The following FMN2 variants were observed in gnomAD, a reference collection of about 807,000 sequenced individuals.
FMN2 encodes the protein formin-2.
In FMN2, 51 loss-of-function variants were observed where a neutral mutation model predicts 142.3. The ratio of observed to expected loss-of-function variants is 0.36; its 90% CI spans 0.29 to 0.45. The LOEUF (loss-of-function observed/expected upper bound fraction) is 0.45. FMN2 is among the 20% of genes least tolerant of loss of function. The pLI is 1.00. For synonymous variants in FMN2, 882 were observed against 869.8 expected, an observed-to-expected ratio of 1.01 and a Z score of -0.25; for missense variants, 1,936 against 2,122.8, an observed-to-expected ratio of 0.91 and a Z score of 1.73.
chr1:240,185,005 C>T (rs1176501719), intron 3 of FMN2, among the ~76,000 whole-genome samples: 45 of 136,252 alleles, frequency 3.3e-4, no homozygotes, highest in African/African-American at 1.2e-3. Context: ...CCTATACCTT[C>T]CCCTTCTCTT....
At chr1:240,238,752 T>A (rs898202716) in intron 6 of FMN2, among the ~76,000 whole-genome samples, 3 of 152,326 alleles carry the variant, frequency 2.0e-5, no homozygotes, top group South Asian at 2.1e-4. Flanking sequence ...GGAGTAGCAT[T>A]ACTTGAAAAA....
intron 1 of FMN2, among the ~76,000 whole-genome samples, chr1:240,114,656 C>CTTTTT (rs1219188121): frequency 8.0e-5 from 11 of 137,692 alleles, no homozygotes; most frequent in Non-Finnish European, 9.3e-5. Context: ...TATATCATTT[C>CTTTTT]TTTTTTTTTT....
intron 2 of FMN2, among the ~76,000 whole-genome samples, chr1:240,173,732 G>A (rs1310812691): frequency 1.3e-5 from 2 of 152,196 alleles, no homozygotes; most frequent in African/African-American, 4.8e-5. Flanking sequence ...GTGGAGCTAC[G>A]TGATGAATGG....
intron 13 of FMN2, among the ~76,000 whole-genome samples, chr1:240,344,494 A>C (rs1180268777): frequency 3.3e-5 from 5 of 152,088 alleles, no homozygotes; most frequent in African/African-American, 9.7e-5. Flanking sequence ...CTTCCTCCAC[A>C]CTAACATGTA....
rs184619343 is a variant in FMN2 at position 240,221,681 on chromosome 1, G to A, written c.4065+10446G>A. Among the ~76,000 whole-genome samples, 413 of 151,920 alleles carry A rather than the reference G, an allele frequency of 2.7e-3. 3 individuals carry two copies. The South Asian group carries it at 0.027, about 10-fold the overall frequency. On this transcript the variant is annotated intron_variant, in intron 6 of 17. Transcript: ENST00000319653. The stretch of plus-strand genomic sequence containing the variant: ...TGCAAAAATTTTCTCCCATTCTGTC[G>A]GTTGCCTGTTCACTCTGATGATAGT...
At chr1:240,348,045 C>T (rs1671967304) in intron 13 of FMN2, among the ~76,000 whole-genome samples, 1 of 152,100 alleles carries the variant, frequency 6.6e-6, no homozygotes, top group Non-Finnish European at 1.5e-5. Flanking sequence ...AATTTATTTT[C>T]CTTTGGGCAT....
intron 14 of FMN2, 102 bp from the exon 15 acceptor site, chr1:240,392,409 T>A: frequency 1.2e-6 from 1 of 835,184 alleles, no homozygotes; most frequent in Non-Finnish European, 1.9e-6. Flanking sequence ...TACAATAGAA[T>A]TAATAATTAA....
At chr1:240,341,016 T>C (rs1014025255) in intron 13 of FMN2, among the ~76,000 whole-genome samples, 2 of 152,178 alleles carry the variant, frequency 1.3e-5, no homozygotes, top group Non-Finnish European at 2.9e-5. Flanking sequence ...CCCATGTCTC[T>C]AACATCTCTT....
intron 14 of FMN2, among the ~76,000 whole-genome samples, chr1:240,377,100 C>G (rs1203475070): frequency 5.9e-5 from 9 of 152,054 alleles, no homozygotes; most frequent in Non-Finnish European, 4.4e-5. Context: ...TATATTCATC[C>G]TCATAATTAG....
chr1:240,474,003 G>A (rs1270976924), intron 17 of FMN2, 125 bp from the exon 18 acceptor site: 4 of 744,096 alleles, frequency 5.4e-6, no homozygotes, highest in Non-Finnish European at 8.5e-6. Flanking sequence ...TGGACTGGTA[G>A]ACCTTTAACC....
intron 6 of FMN2, among the ~76,000 whole-genome samples, chr1:240,232,404 T>C (rs542421597): frequency 3.9e-5 from 6 of 152,130 alleles, no homozygotes; most frequent in Non-Finnish European, 7.4e-5. Context: ...TTTCTTAATT[T>C]GAAATTATGC....
At chr1:240,182,921 T>C (rs1665212528) in intron 3 of FMN2, among the ~76,000 whole-genome samples, 1 of 71,872 alleles carries the variant, frequency 1.4e-5, no homozygotes, top group Non-Finnish European at 2.9e-5. Context: ...TTTCTTTTCT[T>C]TTTTTTTTTT....
intron 4 of FMN2, among the ~76,000 whole-genome samples, chr1:240,198,021 G>A (rs1274598511): frequency 6.6e-6 from 1 of 152,176 alleles, no homozygotes; most frequent in Admixed American, 6.5e-5. Context: ...TTTGAGAACA[G>A]TTGGGTGTTA....
chr1:240,159,131 A>C (rs1350662951), intron 2 of FMN2, among the ~76,000 whole-genome samples: 1 of 152,198 alleles, frequency 6.6e-6, no homozygotes, highest in Non-Finnish European at 1.5e-5. Context: ...AAGACTAACA[A>C]GAAATTTTAA....
rs768057945 is a variant in FMN2, at chr1:240,177,911, T to C, written c.1783-10T>C. ...AATAGCATTTCAACATTTTTTATTT[T>C]TAAATATAGCAAGATCAACTTTATA... On this transcript the variant is annotated splice_polypyrimidine_tract_variant and intron_variant, in intron 2 of 17. Coordinates refer to ENST00000319653, the MANE Select transcript of FMN2 (RefSeq NM_020066.5). 5.2e-6 allele frequency: 8 copies of C among 1,546,594 alleles called. No individual in the cohort carries two copies. Among genetic ancestry groups the C allele is most frequent in the Non-Finnish European group, 6.9e-6 (8 of 1,151,962 alleles).
At chr1:240,138,016 G>T (rs966320356) in intron 2 of FMN2, among the ~76,000 whole-genome samples, 1 of 138,264 alleles carries the variant, frequency 7.2e-6, no homozygotes, top group Admixed American at 7.9e-5. Context: ...AGTGAGCTGA[G>T]ATCACACCAC....
chr1:240,303,759 T>C (rs962203233), intron 8 of FMN2, among the ~76,000 whole-genome samples: 22 of 152,130 alleles, frequency 1.4e-4, no homozygotes, highest in African/African-American at 4.8e-4. Context: ...TCTCTGTTCC[T>C]TTCTCTCTTT....
intron 10 of FMN2, among the ~76,000 whole-genome samples, chr1:240,329,801 CT>C (rs3841827): frequency 4.0e-5 from 6 of 149,366 alleles, no homozygotes; most frequent in Non-Finnish European, 7.4e-5. Context: ...AATTTGAAGG[CT>C]TTTTTTTTTA....
At chr1:240,347,908 T>C (rs544172743) in intron 13 of FMN2, among the ~76,000 whole-genome samples, 14 of 152,234 alleles carry the variant, frequency 9.2e-5, no homozygotes, top group Non-Finnish European at 1.9e-4. Flanking sequence ...TTCCATGGTG[T>C]ATATGTACCA....
Sources: gnomAD v4.1 joint callset for allele counts (sites outside exome capture counted in the v4.1 genomes callset) on GRCh38, gnomAD v4.1.1 for gene constraint, MANE v1.5 for transcripts, NCBI Gene and HGNC (gene_info 2026-07-23, HGNC 2026-07-21) for gene names.